Variants in PIEZO2 observed in about 807,000 individuals in gnomAD.
PIEZO2 encodes piezo-type mechanosensitive ion channel component 2.
In PIEZO2, 172 loss-of-function variants were observed where a neutral mutation model predicts 337.3. The ratio of observed to expected loss-of-function variants is 0.51; its 90% confidence interval spans 0.45 to 0.58. The LOEUF is 0.58. Ranked by LOEUF, PIEZO2 falls within the 20% of genes least tolerant of loss-of-function variation. PIEZO2 has a pLI of 0.00. For synonymous variants in PIEZO2, 1,251 were observed against 1,228.5 expected, an observed-to-expected ratio of 1.02 and a Z score of -0.38; for missense variants, 3,028 against 3,391.3, an observed-to-expected ratio of 0.89 and a Z score of 2.66.
Position 10,955,301 on chromosome 18 carries a change from C to A in PIEZO2, c.286+24234G>T, listed in dbSNP as rs264181. On this transcript the variant is annotated intron_variant, in intron 3 of 55. Coordinates refer to ENST00000674853, the MANE Select transcript of PIEZO2 (RefSeq NM_001378183.1). ...TCGAGGTTGGGCTCAGGTAGGAAAA[C>A]GAAAACAGAAGAGCAAGAGAGCAAG... Among the ~76,000 whole-genome samples, 4 of 151,890 alleles carry A rather than the reference C, an allele frequency of 2.6e-5. No individual in the cohort carries two copies. In the East Asian group the frequency reaches 7.7e-4, roughly 29 times the overall value.
chr18:11,098,991 G>A (rs2039337632), intron 1 of PIEZO2, among the ~76,000 whole-genome samples: 1 of 147,670 alleles, frequency 6.8e-6, no homozygotes, highest in Admixed American at 6.8e-5. Flanking sequence ...TTTTTGTAGA[G>A]ATGGAGTCTC....
chr18:11,011,227 C>T (rs532413242), intron 2 of PIEZO2, among the ~76,000 whole-genome samples: 94 of 152,304 alleles, frequency 6.2e-4, no homozygotes, highest in African/African-American at 2.2e-3. Flanking sequence ...ATCTATTCAA[C>T]AGAACTTATT....
chr18:11,028,199 G>C lies in PIEZO2; in HGVS notation c.160+37928C>G, dbSNP rs185976435. ...TACCAAATGCAAGTAAGGAAGCTAGGCTTTTCTGTACATCGCCTTCTTTCT... is the reference window on the plus strand; with the variant it reads ...TACCAAATGCAAGTAAGGAAGCTAGCCTTTTCTGTACATCGCCTTCTTTCT... On this transcript the variant is annotated intron_variant, in intron 2 of 55. Transcript: ENST00000674853. This position sits in a 1 kb window ranked among gnomAD's most constrained non-coding sequence, Gnocchi z 4.8. Among the ~76,000 whole-genome samples, 724 of 152,258 alleles carry C rather than the reference G, an allele frequency of 4.8e-3. 5 individuals are homozygous for C. Among genetic ancestry groups the C allele is most frequent in the African/African-American group, 0.017 (690 of 41,566 alleles).
rs1163763799 is a variant in PIEZO2, at chr18:10,954,542, G to A, written c.286+24993C>T. On this transcript the variant is annotated intron_variant, in intron 3 of 55. Coordinates refer to ENST00000674853, the MANE Select transcript of PIEZO2 (RefSeq NM_001378183.1). The surrounding 1 kb of genome is among the most constrained non-coding windows in gnomAD (Gnocchi z 4.2). Reference sequence around the variant, plus strand: ...CTTTTTGAAATATTCTACATTGATGGTGTCTCTGCATATTTATGTGGGTAA... The same window carrying A: ...CTTTTTGAAATATTCTACATTGATGATGTCTCTGCATATTTATGTGGGTAA... Among the ~76,000 whole-genome samples the A allele has an allele frequency of 6.6e-6, 1 of 152,156 alleles. No individual in the cohort carries two copies. The highest frequency in any genetic ancestry group is 2.4e-5 in the African/African-American group (1 of 41,438).
intron 2 of PIEZO2, among the ~76,000 whole-genome samples, chr18:11,049,004 A>C (rs1035422148): frequency 6.6e-6 from 1 of 152,238 alleles, no homozygotes; most frequent in African/African-American, 2.4e-5. Context: ...TCCATCAGAA[A>C]TTAGTCTCGT....
At chr18:11,124,297 C>T (rs1457758766) in intron 1 of PIEZO2, among the ~76,000 whole-genome samples, 1 of 152,168 alleles carries the variant, frequency 6.6e-6, no homozygotes, top group African/African-American at 2.4e-5. Flanking sequence ...TCTAGGATCA[C>T]AATGGCTACT....
intron 1 of PIEZO2, among the ~76,000 whole-genome samples, chr18:11,134,133 A>G (rs1321558597): frequency 6.6e-6 from 1 of 152,226 alleles, no homozygotes; most frequent in Non-Finnish European, 1.5e-5. Flanking sequence ...GGGACATTAC[A>G]GAGAAATATG....
intron 3 of PIEZO2, among the ~76,000 whole-genome samples, chr18:10,936,203 C>T (rs1040084098): frequency 7.2e-5 from 11 of 152,176 alleles, no homozygotes; most frequent in Non-Finnish European, 1.3e-4. Flanking sequence ...AGCATGAATG[C>T]CTCTCCTTGG....
intron 23 of PIEZO2, among the ~76,000 whole-genome samples, chr18:10,761,800 A>T (rs1307608361): frequency 2.0e-5 from 3 of 152,194 alleles, no homozygotes; most frequent in Admixed American, 6.5e-5. Context: ...TAATACATTT[A>T]AAAATCCCAG....
chr18:10,744,472 C>G (rs1166847264), intron 30 of PIEZO2, among the ~76,000 whole-genome samples: 1 of 152,116 alleles, frequency 6.6e-6, no homozygotes, highest in East Asian at 1.9e-4. Context: ...TAGTGAAGAT[C>G]AGTAAAGAGA....
At position 11,125,068 on chromosome 18, in the gene PIEZO2, T is replaced by C. The variant is rs552361778; in HGVS notation, c.64+23457A>G. Among the ~76,000 whole-genome samples, 11 of 152,266 alleles carry C rather than the reference T, an allele frequency of 7.2e-5. No homozygotes were observed. The highest frequency in any genetic ancestry group is 2.6e-4 in the African/African-American group (11 of 41,564). On this transcript the variant is annotated intron_variant, in intron 1 of 55. Transcript: ENST00000674853. The surrounding 1 kb of genome is among the most constrained non-coding windows in gnomAD (Gnocchi z 4.4). ...AGTTTCTATTTTCTCATGTAAAACC[T>C]TTCCTCCTTTCATTTCTTCACATGT...
In PIEZO2 at chr18:10,724,476, C is replaced by A; in HGVS notation, c.5030-6217G>T. 1 of 396,642 alleles carries A rather than the reference C, an allele frequency of 2.5e-6. No individual in the cohort carries two copies. The highest frequency in any genetic ancestry group is 4.4e-6 in the Non-Finnish European group (1 of 225,408). 24.6% of individuals were successfully genotyped at this position (396,642 alleles called of 1,614,324 possible). A position where few individuals can be genotyped will look rare whatever the true frequency, so the allele number is the denominator to read the frequency against. On this transcript the variant is annotated intron_variant, in intron 36 of 55. Transcript: ENST00000674853. The surrounding 1 kb of genome is among the most constrained non-coding windows in gnomAD (Gnocchi z 5.8). ...CCCCTGGTAGCAGAGCCTGGGCCCA[C>A]CAAAGGCAATGCGGAGTACAGGGCC... is the stretch of plus-strand genomic sequence containing the variant.
chr18:10,710,530 A>AT (rs1268492687), intron 39 of PIEZO2, among the ~76,000 whole-genome samples: 12 of 152,372 alleles, frequency 7.9e-5, no homozygotes, highest in Admixed American at 5.2e-4. Flanking sequence ...CCATTAAAAA[A>AT]TTTTTGCCAT....
chr18:11,074,092 CG>C (rs2038441424), intron 1 of PIEZO2, among the ~76,000 whole-genome samples: 1 of 152,130 alleles, frequency 6.6e-6, no homozygotes, highest in Admixed American at 6.5e-5. Flanking sequence ...AAGATCCGCC[CG>C]CCTCAGCCTC....
In PIEZO2 at chr18:10,716,927, C is replaced by T. The variant is rs753983800; in HGVS notation, c.5090-1111G>A. Among the ~76,000 whole-genome samples, 2 of 152,126 alleles carry T rather than the reference C, an allele frequency of 1.3e-5. No individual in the cohort carries two copies. Among genetic ancestry groups the T allele is most frequent in the African/African-American group, 2.4e-5 (1 of 41,422 alleles). Reference sequence around the variant, plus strand: ...GTGGGCCTGATTGTAAGGCTGCAGCCACCGCACTGGAGACGTGAATCACAG... The same window carrying T: ...GTGGGCCTGATTGTAAGGCTGCAGCTACCGCACTGGAGACGTGAATCACAG... On this transcript the variant is annotated intron_variant, in intron 37 of 55. Coordinates refer to ENST00000674853, the MANE Select transcript of PIEZO2 (RefSeq NM_001378183.1). The surrounding 1 kb of genome is among the most constrained non-coding windows in gnomAD (Gnocchi z 4.1).
rs1325628693 is a variant in PIEZO2, at chr18:10,807,217, TATG to T, written c.972_974del (p.Ile325del). Reference sequence around the variant, plus strand: ...GGTACCACGACAGGTCCGGGTTCACTATGATCTTCCAAGTACTTGAACAGTCCG... The same window carrying T: ...GGTACCACGACAGGTCCGGGTTCACTATCTTCCAAGTACTTGAACAGTCCG... On this transcript the variant is annotated inframe_deletion, in exon 8 of 56. Coordinates refer to ENST00000674853, the MANE Select transcript of PIEZO2 (RefSeq NM_001378183.1). 1 of 1,537,212 alleles carries T rather than the reference TATG, an allele frequency of 6.5e-7. No homozygotes were observed. The highest frequency in any genetic ancestry group is 8.7e-7 in the Non-Finnish European group (1 of 1,146,930).
At chr18:10,686,176 A>C (rs1310261956) in intron 49 of PIEZO2, among the ~76,000 whole-genome samples, 1 of 152,172 alleles carries the variant, frequency 6.6e-6, no homozygotes, top group African/African-American at 2.4e-5. Context: ...TGAGCTCCTA[A>C]GTCCCTGCAG....
In PIEZO2 at chr18:11,132,715, A is replaced by T. The variant is rs2040375814; in HGVS notation, c.64+15810T>A. ...CAATGATTCCATTAAACTGGGAGTT[A>T]AGATTGCCACCTGGACACTTTGGGC... On this transcript the variant is annotated intron_variant, in intron 1 of 55. Coordinates refer to ENST00000674853, the MANE Select transcript of PIEZO2 (RefSeq NM_001378183.1). This position sits in a 1 kb window ranked among gnomAD's most constrained non-coding sequence, Gnocchi z 4.7. Among the ~76,000 whole-genome samples the T allele has an allele frequency of 6.6e-6, 1 of 152,182 alleles. No individual in the cohort carries two copies. Among genetic ancestry groups the T allele is most frequent in the Non-Finnish European group, 1.5e-5 (1 of 68,030 alleles).
At chr18:10,886,339 T>C (rs1219489167) in intron 4 of PIEZO2, among the ~76,000 whole-genome samples, 1 of 14,350 alleles carries the variant, frequency 7.0e-5, no homozygotes, top group Non-Finnish European at 1.1e-4. Context: ...TATATATATA[T>C]ATATACACAC....
Sources: allele counts gnomAD v4.1 joint callset (sites outside exome capture counted in the v4.1 genomes callset), GRCh38; gene constraint gnomAD v4.1.1; non-coding constraint Gnocchi (gnomAD v3.1); transcripts MANE v1.5; gene names NCBI Gene and HGNC (gene_info 2026-07-23, HGNC 2026-07-21).